Variants in ALK observed in about 807,000 individuals in gnomAD.
The protein encoded by ALK is ALK tyrosine kinase receptor.
Under a neutral mutation model 163.1 loss-of-function variants are expected in ALK, and 74 were observed. That is an observed-to-expected ratio of 0.45 (90% CI 0.38 to 0.55). The LOEUF (loss-of-function observed/expected upper bound fraction) is 0.55, where lower values mean the gene tolerates loss of function less well. Ranked by LOEUF, ALK falls within the 20% of genes least tolerant of loss-of-function variation. ALK has a pLI of 0.00. For missense variants in ALK, 2,063 were observed against 2,105.3 expected (o/e 0.98, Z 0.39); for synonymous variants, 960 against 843.2 (o/e 1.14, Z -2.40).
At chr2:29,567,478 C>A (rs986705967) in intron 3 of ALK, among the ~76,000 whole-genome samples, 3 of 152,186 alleles carry the variant, frequency 2.0e-5, no homozygotes, top group African/African-American at 7.2e-5. Context: ...TTCAAGTATT[C>A]TCTTGAATTG....
At chr2:29,890,995 C>T (rs13016020) in intron 1 of ALK, 74,999 of 152,048 alleles carry the variant, frequency 0.49, 19,122 homozygotes, top group Non-Finnish European at 0.54. Context: ...GGTAAGTTAA[C>T]TTCTCTGGAA....
chr2:29,558,043 G>C (rs1377330504), intron 3 of ALK, among the ~76,000 whole-genome samples: 1 of 152,148 alleles, frequency 6.6e-6, no homozygotes, highest in Non-Finnish European at 1.5e-5. Context: ...GATTCCTTTT[G>C]CTTTAAAAAC....
chr2:29,298,271 T>C (rs920558966), intron 8 of ALK, among the ~76,000 whole-genome samples: 1 of 152,210 alleles, frequency 6.6e-6, no homozygotes, highest in African/African-American at 2.4e-5. Context: ...CTCCATATCC[T>C]GGGTAGCAAA....
intron 1 of ALK, 136 bp from the exon 2 acceptor site, chr2:29,717,833 G>T: frequency 4.4e-6 from 5 of 1,141,650 alleles, no homozygotes; most frequent in Non-Finnish European, 6.5e-6. Context: ...GGAAAAAATT[G>T]AGCCACCAGT....
chr2:29,825,181 T>C (rs756356992), intron 1 of ALK, among the ~76,000 whole-genome samples: 1 of 152,232 alleles, frequency 6.6e-6, no homozygotes, highest in African/African-American at 2.4e-5. Context: ...CATGTGGAAA[T>C]TTACGTCCAT....
rs138251776 is a variant in ALK, at chr2:29,786,507, G to A, written c.668-68810C>T. ...TTATACCTAGATGTGTGTTAAGAGCGACGGTGCTGGAGGGCTTCCAGGAGT... is the reference window on the plus strand; with the variant it reads ...TTATACCTAGATGTGTGTTAAGAGCAACGGTGCTGGAGGGCTTCCAGGAGT... On this transcript the variant is annotated intron_variant, in intron 1 of 28. Transcript: ENST00000389048. 5.6e-3 allele frequency among the ~76,000 whole-genome samples: 853 copies of A among 152,288 alleles called. 12 individuals carry two copies. Among genetic ancestry groups the A allele is most frequent in the African/African-American group, 0.019 (779 of 41,558 alleles).
At chr2:29,250,708 G>A (rs980857573) in intron 12 of ALK, among the ~76,000 whole-genome samples, 11 of 152,222 alleles carry the variant, frequency 7.2e-5, no homozygotes, top group African/African-American at 1.4e-4. Flanking sequence ...GAAAGGAGGC[G>A]CAAGGATAAG....
chr2:29,401,416 C>CT (rs1259385545), intron 4 of ALK, among the ~76,000 whole-genome samples: 1 of 152,214 alleles, frequency 6.6e-6, no homozygotes, highest in African/African-American at 2.4e-5. Flanking sequence ...AGCCAACCCC[C>CT]TGTATCATAT....
In ALK at chr2:29,869,609, C is replaced by A. The variant is rs534920014; in HGVS notation, c.667+50384G>T. ...ACACTTAAATCTACTTGCTATAAAT[C>A]AAAAAACTTTATATTAAAAAATCAA... On this transcript the variant is annotated intron_variant, in intron 1 of 28. Transcript: ENST00000389048. Among the ~76,000 whole-genome samples, 6 of 151,954 alleles carry A rather than the reference C, an allele frequency of 3.9e-5. No individual in the cohort carries two copies. In the South Asian group the frequency reaches 6.2e-4, roughly 16 times the overall value.
In ALK at chr2:29,251,174, A is replaced by G. The variant is rs1664806676; in HGVS notation, c.2135T>C (p.Val712Ala). The stretch of plus-strand genomic sequence containing the variant: ...CAGGGGGCCCTCGCTCCCCACCTCC[A>G]CGCTCAGGTTGGAGTTCTGGTAGGC... ...NNAYQNSNLSVEVGSEGPLKG... is the reference protein window; with the variant it reads ...NNAYQNSNLSAEVGSEGPLKG... Residue 712 changes from valine (V) to alanine (A), a missense_variant, in exon 12 of 29, where the codon GTG becomes GCG. Around this residue, in one of 5 missense-constraint regions of ALK, gnomAD observed 987 missense variants for 939.5 expected, o/e 1.05. Transcript: ENST00000389048. 1 of 1,613,538 alleles carries G rather than the reference A, an allele frequency of 6.2e-7. No homozygotes were observed. The highest frequency in any genetic ancestry group is 8.5e-7 in the Non-Finnish European group (1 of 1,179,868).
intron 4 of ALK, among the ~76,000 whole-genome samples, chr2:29,509,063 C>T (rs183348198): frequency 1.6e-4 from 25 of 152,244 alleles, no homozygotes; most frequent in Admixed American, 1.6e-3. Context: ...AACAGTGATA[C>T]ATAAGCCCTG....
intron 1 of ALK, among the ~76,000 whole-genome samples, chr2:29,847,033 C>T (rs935670164): frequency 6.6e-6 from 1 of 152,178 alleles, no homozygotes; most frequent in Non-Finnish European, 1.5e-5. Flanking sequence ...TGCCATCACC[C>T]CTGCAGGGAA....
At chr2:29,320,909 C>T in intron 6 of ALK, 27 bp from the exon 7 acceptor site, 11 of 1,614,098 alleles carry the variant, frequency 6.8e-6, no homozygotes, top group Non-Finnish European at 9.3e-6. Context: ...GAGGCACCAT[C>T]ATTTTCAGGA....
chr2:29,816,353 C>T (rs1002410946), intron 1 of ALK, among the ~76,000 whole-genome samples: 4 of 152,102 alleles, frequency 2.6e-5, no homozygotes, highest in Non-Finnish European at 4.4e-5. Flanking sequence ...CTCTGCCTCA[C>T]GGGTTGTTGC....
chr2:29,437,087 C>T (rs113426519), intron 4 of ALK, among the ~76,000 whole-genome samples: 1 of 152,222 alleles, frequency 6.6e-6, no homozygotes, highest in African/African-American at 2.4e-5. Flanking sequence ...CTAATGGTGG[C>T]CTCTTAGAAG....
intron 5 of ALK, among the ~76,000 whole-genome samples, chr2:29,348,681 A>G: frequency 6.6e-6 from 1 of 152,260 alleles, no homozygotes; most frequent in Non-Finnish European, 1.5e-5. Flanking sequence ...ATGAAATTCA[A>G]TCTTTATAAT....
At position 29,296,955 on chromosome 2, in the gene ALK, C is replaced by T. The variant is rs1666202777; in HGVS notation, c.1750G>A (p.Val584Ile). 6.2e-7 allele frequency: 1 copy of T among 1,614,094 alleles called. No homozygotes were observed. Among genetic ancestry groups the T allele is most frequent in the Admixed American group, 1.7e-5 (1 of 60,004 alleles). ...GKEQGRMVWH[V>I]AAYEGLSLWQ... Reference sequence around the variant, plus strand: ...AGGCTCAAGCCTTCATAGGCGGCGACATGCCAGACCATCCTGCCTTGCTCC... The same window carrying T: ...AGGCTCAAGCCTTCATAGGCGGCGATATGCCAGACCATCCTGCCTTGCTCC... Residue 584 changes from valine (V) to isoleucine (I), a missense_variant, in exon 9 of 29, where the codon GTC becomes ATC. Transcript: ENST00000389048.
chr2:29,812,821 A>G (rs1664792138), intron 1 of ALK, among the ~76,000 whole-genome samples: 1 of 152,212 alleles, frequency 6.6e-6, no homozygotes, highest in Non-Finnish European at 1.5e-5. Flanking sequence ...TGGATCACTT[A>G]TCATGTGTTA....
intron 4 of ALK, among the ~76,000 whole-genome samples, chr2:29,405,507 C>T (rs574248238): frequency 6.6e-6 from 1 of 152,246 alleles, no homozygotes; most frequent in South Asian, 2.1e-4. Context: ...AGCGTGTCTC[C>T]CCACTTTGTG....
Sources: allele counts gnomAD v4.1 joint callset (sites outside exome capture counted in the v4.1 genomes callset), GRCh38; gene constraint gnomAD v4.1.1; regional missense constraint gnomAD v4.1.1; transcripts MANE v1.5; gene names NCBI Gene and HGNC (gene_info 2026-07-23, HGNC 2026-07-21).